The following FER variants were observed in gnomAD, a reference collection of about 807,000 sequenced individuals.
FER encodes the protein tyrosine-protein kinase Fer.
In FER, 63 loss-of-function variants were observed where a neutral mutation model predicts 111.0. The ratio of observed to expected loss-of-function variants is 0.57; its 90% CI spans 0.46 to 0.70. The LOEUF is 0.70. FER is among the 30% of genes least tolerant of loss of function. The probability of loss-of-function intolerance (pLI) is 0.00; values close to 1 mark genes in which losing one functional copy is unlikely to be tolerated. For synonymous variants in FER, 327 were observed against 313.9 expected, an observed-to-expected ratio of 1.04 and a Z score of -0.44; for missense variants, 914 against 954.0, an observed-to-expected ratio of 0.96 and a Z score of 0.55.
intron 2 of FER, among the ~76,000 whole-genome samples, chr5:108,772,567 C>G (rs1471607606): frequency 6.6e-6 from 1 of 151,816 alleles, no homozygotes; most frequent in African/African-American, 2.4e-5. Context: ...TGCAGTTTGC[C>G]TCTTTGTTTA....
At chr5:108,840,203 A>G (rs1761115839) in intron 5 of FER, among the ~76,000 whole-genome samples, 1 of 152,202 alleles carries the variant, frequency 6.6e-6, no homozygotes. Context: ...AAAAGCCACA[A>G]TGCAATTATC....
rs76492703 is a variant in FER, at chr5:109,115,372, C to G, written c.2048+14853C>G. Among the ~76,000 whole-genome samples the G allele has an allele frequency of 5.2e-3, 784 of 152,126 alleles. 9 individuals are homozygous for G. The highest frequency in any genetic ancestry group is 0.018 in the African/African-American group (732 of 41,512). On this transcript the variant is annotated intron_variant, in intron 17 of 19. Transcript: ENST00000281092. ...AGGTGACTCCTAGGTTTCTCAGATC[C>G]AAATTGAAACCAGGTATTTTCCAAG...
rs1490508896 is a variant in FER, at chr5:109,191,945, A to G, written c.*4370A>G. 2.0e-5 allele frequency: 3 copies of G among 152,126 alleles called. No individual in the cohort carries two copies. Among genetic ancestry groups the G allele is most frequent in the Admixed American group, 6.6e-5 (1 of 15,262 alleles). 9.4% of individuals were successfully genotyped at this position (152,126 alleles called of 1,614,324 possible). On this transcript the variant is annotated 3_prime_UTR_variant, in exon 20 of 20. Transcript: ENST00000281092. ...TCCCCTTTAAAAAAAATGCTGTCCT[A>G]CAGAAGGTGTATAAACTATACCTTA...
At chr5:108,754,499 A>T (rs1750868458) in intron 1 of FER, among the ~76,000 whole-genome samples, 1 of 151,352 alleles carries the variant, frequency 6.6e-6, no homozygotes, top group African/African-American at 2.4e-5. Flanking sequence ...GACCCAAGTT[A>T]TTTCCACATT....
At chr5:109,129,433 A>G (rs753105307) in intron 17 of FER, among the ~76,000 whole-genome samples, 51 of 152,116 alleles carry the variant, frequency 3.4e-4, no homozygotes, top group Non-Finnish European at 6.3e-4. Flanking sequence ...GAAGTCCTGT[A>G]TCATATAGTA....
At chr5:109,127,316 T>C (rs1751841527) in intron 17 of FER, among the ~76,000 whole-genome samples, 1 of 152,202 alleles carries the variant, frequency 6.6e-6, no homozygotes, top group African/African-American at 2.4e-5. Context: ...TCTGTGTGTA[T>C]TGTATGTCTT....
intron 9 of FER, 123 bp downstream of exon 9, chr5:108,883,641 A>G: frequency 1.3e-6 from 1 of 765,524 alleles, no homozygotes; most frequent in South Asian, 3.0e-5. Context: ...TTAAGTATGA[A>G]GTTTTGTATA....
At chr5:108,981,242 A>G (rs1477105539) in intron 13 of FER, among the ~76,000 whole-genome samples, 1 of 152,072 alleles carries the variant, frequency 6.6e-6, no homozygotes, top group East Asian at 1.9e-4. Context: ...GGAAAAAGTC[A>G]GAGCATATTT....
chr5:108,878,137 C>T (rs973605651), intron 8 of FER, among the ~76,000 whole-genome samples: 15 of 152,116 alleles, frequency 9.9e-5, no homozygotes, highest in Admixed American at 9.8e-4. Context: ...GAACTCCTGA[C>T]CTCAACTGAT....
intron 13 of FER, among the ~76,000 whole-genome samples, chr5:108,998,254 T>G (rs1408932546): frequency 6.6e-6 from 1 of 150,674 alleles, no homozygotes; most frequent in African/African-American, 2.4e-5. Context: ...AGTCTTGTGG[T>G]TGAAACTCAG....
intron 16 of FER, among the ~76,000 whole-genome samples, chr5:109,090,860 A>G (rs943146988): frequency 1.3e-5 from 2 of 152,236 alleles, no homozygotes; most frequent in African/African-American, 2.4e-5. Flanking sequence ...ACACCATCAC[A>G]TGGACCAATA....
intron 3 of FER, among the ~76,000 whole-genome samples, chr5:108,805,638 C>T (rs914476174): frequency 6.6e-6 from 1 of 152,162 alleles, no homozygotes; most frequent in African/African-American, 2.4e-5. Flanking sequence ...AGATGAGGAA[C>T]TTGTTGTGAA....
intron 16 of FER, among the ~76,000 whole-genome samples, chr5:109,063,210 T>G (rs1000894382): frequency 1.3e-5 from 2 of 152,208 alleles, no homozygotes; most frequent in Non-Finnish European, 2.9e-5. Context: ...TATAGTACAT[T>G]TCACTAATTT....
intron 2 of FER, among the ~76,000 whole-genome samples, chr5:108,768,591 AT>A (rs1752570059): frequency 6.6e-6 from 1 of 152,078 alleles, no homozygotes; most frequent in Non-Finnish European, 1.5e-5. Flanking sequence ...CTTTGTTCTG[AT>A]TTCTGTATTT....
intron 3 of FER, among the ~76,000 whole-genome samples, chr5:108,802,271 A>G (rs1756744658): frequency 6.6e-6 from 1 of 152,160 alleles, no homozygotes; most frequent in African/African-American, 2.4e-5. Context: ...CATTGAATGT[A>G]TAGATAAATT....
chr5:109,089,367 G>A (rs923397767), intron 16 of FER, among the ~76,000 whole-genome samples: 1 of 152,162 alleles, frequency 6.6e-6, no homozygotes, highest in African/African-American at 2.4e-5. Flanking sequence ...AAATGCTGAA[G>A]TACAAAGGGC....
intron 6 of FER, among the ~76,000 whole-genome samples, chr5:108,868,635 C>T (rs1764310074): frequency 6.6e-6 from 1 of 151,924 alleles, no homozygotes; most frequent in Admixed American, 6.6e-5. Flanking sequence ...GGGAATTCTT[C>T]AATGTTAGAG....
At chr5:108,748,402 T>A (rs1253984861) in intron 1 of FER, 2 of 152,262 alleles carry the variant, frequency 1.3e-5, no homozygotes, top group African/African-American at 4.8e-5. Flanking sequence ...CGAATTCCTT[T>A]CCGGCTGCCG....
chr5:109,173,006 G>C (rs900802008), intron 17 of FER, among the ~76,000 whole-genome samples: 3 of 152,134 alleles, frequency 2.0e-5, no homozygotes, highest in African/African-American at 7.2e-5. Context: ...CTATATGTTT[G>C]GTTCCGAGTT....
Sources: allele counts gnomAD v4.1 joint callset (sites outside exome capture counted in the v4.1 genomes callset), GRCh38; gene constraint gnomAD v4.1.1; transcripts MANE v1.5; gene names NCBI Gene and HGNC (gene_info 2026-07-23, HGNC 2026-07-21).